Variants in DYM observed in about 807,000 individuals in gnomAD.
DYM encodes the protein dyggve-Melchior-Clausen syndrome protein.
In DYM, 78 loss-of-function variants were observed where a neutral mutation model predicts 93.1. The ratio of observed to expected loss-of-function variants is 0.84; its 90% CI spans 0.70 to 1.01. The LOEUF (loss-of-function observed/expected upper bound fraction) is 1.01, where lower values mean the gene tolerates loss of function less well. DYM is among the 50% of genes least tolerant of loss of function. The pLI is 0.00. For synonymous variants in DYM, 321 were observed against 319.7 expected (o/e 1.00, Z -0.04); for missense variants, 789 against 845.0 (o/e 0.93, Z 0.82).
At chr18:49,317,576 T>C (rs1471628827) in intron 8 of DYM, among the ~76,000 whole-genome samples, 2 of 11,646 alleles carry the variant, frequency 1.7e-4, no homozygotes, top group African/African-American at 1.3e-3. Context: ...TCTCTCTCTC[T>C]CTCTCTCTCT....
chr18:49,146,357 G>A (rs535905000), intron 15 of DYM, among the ~76,000 whole-genome samples: 2 of 152,298 alleles, frequency 1.3e-5, no homozygotes, highest in South Asian at 4.2e-4. Flanking sequence ...CAATTAGGCA[G>A]GAGAAGGAAA....
chr18:49,261,405 T>C (rs1054725915), intron 11 of DYM, among the ~76,000 whole-genome samples: 5 of 152,220 alleles, frequency 3.3e-5, no homozygotes, highest in Non-Finnish European at 5.9e-5. Context: ...GCATGGAGGC[T>C]CACGCCTGTA....
At chr18:49,257,161 A>G (rs1297701503) in intron 12 of DYM, 57 bp from the exon 13 acceptor site, 1 of 1,327,788 alleles carries the variant, frequency 7.5e-7, no homozygotes, top group African/African-American at 1.4e-5. Flanking sequence ...TATTTTAACC[A>G]AGGTTAACTA....
chr18:49,412,743 A>G (rs530185682), intron 2 of DYM, among the ~76,000 whole-genome samples: 2 of 152,240 alleles, frequency 1.3e-5, no homozygotes, highest in Non-Finnish European at 2.9e-5. Context: ...CTAAAAATAT[A>G]GAAACAGAGA....
At chr18:49,186,979 G>A (rs1023329587) in intron 14 of DYM, among the ~76,000 whole-genome samples, 4 of 147,262 alleles carry the variant, frequency 2.7e-5, no homozygotes, top group African/African-American at 1.0e-4. Flanking sequence ...GAGTGCAGTG[G>A]TGCGATCTCG....
chr18:49,324,006 G>A (rs774495808), intron 8 of DYM, among the ~76,000 whole-genome samples: 65 of 151,880 alleles, frequency 4.3e-4, no homozygotes, highest in Middle Eastern at 6.8e-3. Flanking sequence ...ATGGTGGCAG[G>A]TGCCTATAAT....
At position 49,148,356 on chromosome 18, in the gene DYM, C is replaced by CA. The variant is rs568864425; in HGVS notation, c.1728+15328dup. Among the ~76,000 whole-genome samples the CA allele has an allele frequency of 8.1e-3, 1,075 of 132,650 alleles. 12 individuals carry two copies. Among genetic ancestry groups the CA allele is most frequent in the African/African-American group, 0.022 (809 of 36,042 alleles). The allele number at this position is 132,650 out of a possible 152,430, so 87.0% of individuals were successfully genotyped here. A position where few individuals can be genotyped will look rare whatever the true frequency, so the allele number is the denominator to read the frequency against. On this transcript the variant is annotated intron_variant, in intron 15 of 17. Transcript: ENST00000675505. ...TTAAAGTATAATTTTAAAAAAAGAA[C>CA]AAAAAAAAAAAGAAAATAGAAAATG...
intron 3 of DYM, among the ~76,000 whole-genome samples, chr18:49,384,235 T>C (rs1052103055): frequency 7.4e-5 from 11 of 149,506 alleles, no homozygotes; most frequent in African/African-American, 1.7e-4. Context: ...GGCAGGAGGA[T>C]TGCTTGAGCC....
intron 13 of DYM, among the ~76,000 whole-genome samples, chr18:49,238,969 G>C (rs1193547513): frequency 6.6e-6 from 1 of 152,138 alleles, no homozygotes; most frequent in Non-Finnish European, 1.5e-5. Flanking sequence ...GTTATTGTCA[G>C]AGTGAACATC....
chr18:49,316,841 T>C (rs1204731980), intron 8 of DYM, among the ~76,000 whole-genome samples: 1 of 152,196 alleles, frequency 6.6e-6, no homozygotes, highest in Non-Finnish European at 1.5e-5. Context: ...CTGGCTTCCT[T>C]CCTTTAGCTA....
intron 9 of DYM, 96 bp downstream of exon 9, chr18:49,286,338 T>C (rs957820268): frequency 6.5e-6 from 9 of 1,376,702 alleles, no homozygotes; most frequent in South Asian, 1.2e-5. Flanking sequence ...AAACATACAA[T>C]GGACACTCAT....
chr18:49,458,782 T>G (rs1169366993), intron 1 of DYM, among the ~76,000 whole-genome samples: 2 of 152,206 alleles, frequency 1.3e-5, no homozygotes, highest in Non-Finnish European at 2.9e-5. Context: ...GACGTTGCCG[T>G]GAGCCGGGAT....
chr18:49,423,658 A>G (rs1358972552), intron 2 of DYM, among the ~76,000 whole-genome samples: 1 of 152,226 alleles, frequency 6.6e-6, no homozygotes, highest in East Asian at 1.9e-4. Context: ...AGCAAGACTA[A>G]TAAAGAAGAA....
At chr18:49,222,790 A>G (rs1231205371) in intron 13 of DYM, among the ~76,000 whole-genome samples, 2 of 152,184 alleles carry the variant, frequency 1.3e-5, no homozygotes, top group Non-Finnish European at 2.9e-5. Context: ...TGGATAAAGG[A>G]AAATTCTTCT....
intron 15 of DYM, among the ~76,000 whole-genome samples, chr18:49,143,191 G>T (rs975353648): frequency 2.0e-5 from 3 of 152,138 alleles, no homozygotes; most frequent in African/African-American, 7.2e-5. Flanking sequence ...ATACATGAGA[G>T]CACAGTAACT....
At chr18:49,098,696 C>T (rs2079811784) in intron 16 of DYM, among the ~76,000 whole-genome samples, 3 of 152,166 alleles carry the variant, frequency 2.0e-5, no homozygotes, top group Non-Finnish European at 4.4e-5. Flanking sequence ...GTGGGCTTTT[C>T]GCTACGTGCC....
intron 1 of DYM, among the ~76,000 whole-genome samples, chr18:49,434,289 G>C (rs2080615280): frequency 6.6e-6 from 1 of 151,514 alleles, no homozygotes; most frequent in Middle Eastern, 3.2e-3. Flanking sequence ...GGAGGTTGCA[G>C]TGAGCTGAGA....
chr18:49,326,294 A>G (rs894641882), intron 8 of DYM, among the ~76,000 whole-genome samples: 3 of 152,216 alleles, frequency 2.0e-5, no homozygotes, highest in African/African-American at 7.2e-5. Context: ...TTGTCAGCAT[A>G]TTAGAAGAAT....
At chr18:49,249,616 A>C (rs1421024377) in intron 13 of DYM, among the ~76,000 whole-genome samples, 1 of 151,760 alleles carries the variant, frequency 6.6e-6, no homozygotes, top group Non-Finnish European at 1.5e-5. Context: ...TATTTGCCCA[A>C]AATAGAGGAG....
Sources: allele counts gnomAD v4.1 joint callset (sites outside exome capture counted in the v4.1 genomes callset), GRCh38; gene constraint gnomAD v4.1.1; transcripts MANE v1.5; gene names NCBI Gene and HGNC (gene_info 2026-07-23, HGNC 2026-07-21).